PTCH1: variants seen among roughly 807,000 people sequenced by gnomAD.
PTCH1 encodes patched 1, also known as protein patched homolog 1.
In PTCH1, 14 loss-of-function variants were observed where a neutral mutation model predicts 144.6. The observed-to-expected ratio is 0.10, with a 90% CI of 0.06 to 0.15. The LOEUF (loss-of-function observed/expected upper bound fraction) is 0.15, where lower values mean the gene tolerates loss of function less well. Among genes scored for constraint, PTCH1 ranks in the 10% least tolerant of loss-of-function variants. The pLI is 1.00. For synonymous variants in PTCH1, 833 were observed against 793.6 expected, an observed-to-expected ratio of 1.05 and a Z score of -0.83; for missense variants, 1,623 against 1,948.3, an observed-to-expected ratio of 0.83 and a Z score of 3.14.
At chr9:95,495,694 TC>T (rs1363291195) in intron 2 of PTCH1, among the ~76,000 whole-genome samples, 6 of 151,990 alleles carry the variant, frequency 3.9e-5, no homozygotes, top group Non-Finnish European at 4.4e-5. Flanking sequence ...AGCAAGGATA[TC>T]CCCCCATCTA....
intron 1 of PTCH1, chr9:95,506,935 ACCC>A: frequency 9.6e-7 from 1 of 1,043,858 alleles, no homozygotes; most frequent in Non-Finnish European, 1.2e-6. Context: ...GACAATATTC[ACCC>A]CAGAGCTGAG....
intron 12 of PTCH1, among the ~76,000 whole-genome samples, chr9:95,475,222 G>C (rs1588593872): frequency 2.0e-5 from 3 of 152,272 alleles, no homozygotes; most frequent in Non-Finnish European, 2.9e-5. Context: ...CCCCATCCCA[G>C]GGAACTGTCC....
chr9:95,478,050 G>A lies in PTCH1; in HGVS notation c.1347+5C>T, dbSNP rs567257548. 26 of 1,614,022 alleles carry A rather than the reference G, an allele frequency of 1.6e-5. No homozygotes were observed. The highest frequency in any genetic ancestry group is 8.9e-5 in the East Asian group (4 of 44,894). ...AGCCCCCAGGAGCATGGCATCGAGC[G>A]TTACCATGAGTAAGTAGCCGCTGGC... On this transcript the variant is annotated splice_donor_5th_base_variant and intron_variant, in intron 9 of 23. Coordinates refer to ENST00000331920, the MANE Select transcript of PTCH1 (RefSeq NM_000264.5).
chr9:95,495,331 G>A (rs1480131366), intron 2 of PTCH1: 2 of 152,110 alleles, frequency 1.3e-5, no homozygotes, highest in African/African-American at 4.8e-5. Flanking sequence ...AGTGCAAAAT[G>A]TATAAACTCA....
rs1432645175 is a variant in PTCH1, at chr9:95,479,006, A to G, written c.1209T>C (p.Tyr403=). Residue 403 remains tyrosine, a synonymous_variant, in exon 8 of 24, where the codon TAT becomes TAC. Transcript: ENST00000331920. ...GATTCGAAGGTGGGTTTACCTCCAC[A>G]TATGTCCTCTGCCAGGCCTCCAGGA... The part of the protein sequence containing the change: ...AAILEAWQRT[Y]VEVVHQSVAQ... 3.1e-6 allele frequency: 5 copies of G among 1,614,240 alleles called. No individual in the cohort carries two copies. The highest frequency in any genetic ancestry group is 2.2e-5 in the South Asian group (2 of 91,084).
chr9:95,458,207 C>G lies in PTCH1; in HGVS notation c.2974G>C (p.Glu992Gln). ...RDTSDFVEAI[E>Q]KVRTICSNYT... ...TTGCTGCAGATGGTCCTTACTTTTT[C>G]AATTGCCTCCACAAAGTCTGAGGTG... Residue 992 changes from glutamate (E) to glutamine (Q), a missense_variant, in exon 18 of 24, where the codon GAA becomes CAA. Glu to Gln is a conservative substitution (Grantham distance 29). This residue lies in a region of PTCH1 where 504 missense variants were observed against 679.3 expected (regional missense o/e 0.74). Transcript: ENST00000331920. The surrounding 1 kb of genome is among the most constrained non-coding windows in gnomAD (Gnocchi z 4.7). 6.2e-7 allele frequency: 1 copy of G among 1,614,094 alleles called. No homozygotes were observed. Among genetic ancestry groups the G allele is most frequent in the East Asian group, 2.2e-5 (1 of 44,874 alleles).
chr9:95,451,364 C>G (rs936402679), intron 20 of PTCH1: 1 of 152,190 alleles, frequency 6.6e-6, no homozygotes, highest in South Asian at 2.1e-4. Context: ...CTTGGTGAGG[C>G]CTTTATCAGG....
Position 95,449,592 on chromosome 9 carries a change from G to A in PTCH1, c.3549+249C>T. The A allele has an allele frequency of 7.9e-6, 5 of 636,860 alleles. No homozygotes were observed. The highest frequency in any genetic ancestry group is 1.4e-5 in the Non-Finnish European group (5 of 367,374). The allele number at this position is 636,860 out of a possible 1,614,324, so 39.5% of individuals were successfully genotyped here. ...TCCAATTATGCATCTCAAGGGGAAA[G>A]TCTTCATTTACTGTATAAAGATCTG... On this transcript the variant is annotated intron_variant, in intron 21 of 23. Coordinates refer to ENST00000331920, the MANE Select transcript of PTCH1 (RefSeq NM_000264.5). The surrounding 1 kb of genome is among the most constrained non-coding windows in gnomAD (Gnocchi z 5.3).
At position 95,479,992 on chromosome 9, in the gene PTCH1, C is replaced by A; in HGVS notation, c.1044G>T (p.Lys348Asn). The change falls in exon 7 of 24, where the codon AAG (lysine) becomes AAT (asparagine). Residue 348 changes from lysine to asparagine, a missense_variant. By Grantham distance (94) the Lys-to-Asn change is moderately conservative. Coordinates refer to ENST00000331920, the MANE Select transcript of PTCH1 (RefSeq NM_000264.5). ...ACCTGACGAGTTTTCCAGTGCTGTTCTTGACTGTGCCACCCACAATCAACT... is the reference window on the plus strand; with the variant it reads ...ACCTGACGAGTTTTCCAGTGCTGTTATTGACTGTGCCACCCACAATCAACT... ...QEELIVGGTV[K>N]NSTGKLVSAH... 6.2e-7 allele frequency: 1 copy of A among 1,614,094 alleles called. No homozygotes were observed. Among genetic ancestry groups the A allele is most frequent in the Non-Finnish European group, 8.5e-7 (1 of 1,180,032 alleles).
At chr9:95,468,616 A>C (rs901921476) in intron 14 of PTCH1, 135 bp downstream of exon 14, 2 of 1,174,070 alleles carry the variant, frequency 1.7e-6, no homozygotes, top group Non-Finnish European at 2.5e-6. Flanking sequence ...CTTTTGGAGG[A>C]CTGAAATGTA....
At chr9:95,482,289 A>C in intron 3 of PTCH1, 86 bp from the exon 4 acceptor site, 4 of 1,305,766 alleles carry the variant, frequency 3.1e-6, no homozygotes, top group Non-Finnish European at 4.4e-6. Context: ...ATATAAAAAG[A>C]ACTGCAATTT....
intron 12 of PTCH1, among the ~76,000 whole-genome samples, chr9:95,470,933 ATTAG>A (rs1840515167): frequency 6.6e-6 from 1 of 152,138 alleles, no homozygotes; most frequent in African/African-American, 2.4e-5. Context: ...CACACAAAAA[ATTAG>A]TTGAGTGTGG....
Position 95,446,943 on chromosome 9 carries a change from T to C in PTCH1, c.4313A>G (p.Glu1438Gly), listed in dbSNP as rs150696398. ...GGAGCTGCTTCCCCGGGGCCTCTCC[T>C]CGCATTCCACGTCCTGCAGCTCAAT... Reference protein sequence around the residue: ...EVIELQDVECEERPRGSSSN With the variant: ...EVIELQDVECGERPRGSSSN The change falls in exon 23 of 24, where the codon GAG becomes GGG. Residue 1438 changes from glutamate to glycine, a missense_variant. By Grantham distance (98) the Glu-to-Gly change is moderately conservative (BLOSUM62 -2). Around this residue, in one of 7 missense-constraint regions of PTCH1, gnomAD observed 291 missense variants for 287.4 expected, o/e 1.01. Transcript: ENST00000331920. The C allele has an allele frequency of 9.9e-6, 16 of 1,614,014 alleles. No individual in the cohort carries two copies. The highest frequency in any genetic ancestry group is 1.3e-5 in the Non-Finnish European group (15 of 1,180,022).
chr9:95,490,558 A>ACACAC (rs1564069064), intron 2 of PTCH1, among the ~76,000 whole-genome samples: 2 of 129,524 alleles, frequency 1.5e-5, no homozygotes, highest in South Asian at 4.6e-4. Context: ...CACACACACA[A>ACACAC]AAGAAAGATA....
chr9:95,479,904 G>A (rs2118383083), intron 7 of PTCH1, 65 bp downstream of exon 7: 1 of 1,610,902 alleles, frequency 6.2e-7, no homozygotes, highest in South Asian at 1.1e-5. Flanking sequence ...ATGTCAGGAG[G>A]GAAGTGGCTT....
intron 12 of PTCH1, among the ~76,000 whole-genome samples, chr9:95,470,313 C>G (rs989159330): frequency 6.6e-6 from 1 of 152,132 alleles, no homozygotes; most frequent in South Asian, 2.1e-4. Flanking sequence ...AGAGGTCACG[C>G]GACCCTGATT....
At chr9:95,452,631 A>C (rs961069636) in intron 20 of PTCH1, 4 of 152,240 alleles carry the variant, frequency 2.6e-5, no homozygotes, top group African/African-American at 9.6e-5. Context: ...ATTCTTAATT[A>C]AATCAACTGG....
chr9:95,459,001 C>T (rs919427780), intron 17 of PTCH1, among the ~76,000 whole-genome samples: 3 of 152,192 alleles, frequency 2.0e-5, no homozygotes, highest in Non-Finnish European at 4.4e-5. Flanking sequence ...TTCTTTCTCA[C>T]ATCCTCCCTT....
chr9:95,508,770 C>T lies in PTCH1; in HGVS notation c.-409G>A, dbSNP rs1461666856. ...ACCCGCCCCCCGCCCCGCGCCGCGA[C>T]CCCTTCACTGCAGAAAGAGCCAGCG... is the stretch of plus-strand genomic sequence containing the variant. On this transcript the variant is annotated 5_prime_UTR_variant, in exon 1 of 24. Transcript: ENST00000331920. The T allele has an allele frequency of 4.1e-6, 4 of 983,974 alleles. No homozygotes were observed. The highest frequency in any genetic ancestry group is 1.8e-5 in the African/African-American group (1 of 57,114). 61.0% of individuals were successfully genotyped at this position (983,974 alleles called of 1,614,324 possible). A position where few individuals can be genotyped will look rare whatever the true frequency, so the allele number is the denominator to read the frequency against.
Sources: allele counts gnomAD v4.1 joint callset (sites outside exome capture counted in the v4.1 genomes callset), GRCh38; gene constraint gnomAD v4.1.1; regional missense constraint gnomAD v4.1.1; non-coding constraint Gnocchi (gnomAD v3.1); transcripts MANE v1.5; gene names NCBI Gene and HGNC (gene_info 2026-07-23, HGNC 2026-07-21).